NLGN1: variants seen among roughly 807,000 people sequenced by gnomAD.
The protein encoded by NLGN1 is neuroligin-1.
NLGN1 carries 12 observed loss-of-function variants against 65.5 expected under a neutral mutation model. That is an observed-to-expected ratio of 0.18 (90% CI 0.12 to 0.30). The LOEUF (loss-of-function observed/expected upper bound fraction) is 0.30. NLGN1 is among the 10% of genes least tolerant of loss of function. The pLI, the probability that NLGN1 is intolerant of heterozygous loss-of-function variation, is 1.00. For synonymous variants in NLGN1, 350 were observed against 359.5 expected, an observed-to-expected ratio of 0.97 and a Z score of 0.30; for missense variants, 750 against 1,007.1, an observed-to-expected ratio of 0.74 and a Z score of 3.46.
chr3:174,182,951 T>G (rs552967316), intron 4 of NLGN1, among the ~76,000 whole-genome samples: 23 of 152,314 alleles, frequency 1.5e-4, no homozygotes, highest in African/African-American at 5.3e-4. Flanking sequence ...CAAAACCGAC[T>G]TTGCCACTCT....
intron 4 of NLGN1, among the ~76,000 whole-genome samples, chr3:174,220,494 T>C (rs1738436226): frequency 6.6e-6 from 1 of 152,158 alleles, no homozygotes. Context: ...AAGATATTCT[T>C]TGGCTACACA....
intron 4 of NLGN1, among the ~76,000 whole-genome samples, chr3:173,994,016 T>C (rs192350546): frequency 6.6e-6 from 1 of 152,224 alleles, no homozygotes; most frequent in East Asian, 1.9e-4. Flanking sequence ...ATATTCCAGA[T>C]CAATCAATAT....
intron 4 of NLGN1, among the ~76,000 whole-genome samples, chr3:173,989,184 A>G (rs2152408310): frequency 6.6e-6 from 1 of 152,308 alleles, no homozygotes; most frequent in Non-Finnish European, 1.5e-5. Flanking sequence ...AGTCACATCA[A>G]CTGATAAAAC....
intron 3 of NLGN1, among the ~76,000 whole-genome samples, chr3:173,710,057 T>C (rs1560213479): frequency 6.6e-6 from 1 of 152,132 alleles, no homozygotes; most frequent in African/African-American, 2.4e-5. Flanking sequence ...TATGACAAAA[T>C]GGTGATGGAC....
At chr3:173,813,167 A>G (rs1040124504) in intron 4 of NLGN1, among the ~76,000 whole-genome samples, 3 of 152,122 alleles carry the variant, frequency 2.0e-5, no homozygotes, top group Non-Finnish European at 4.4e-5. Context: ...AAGCCTGTGC[A>G]TTGATCATGA....
intron 4 of NLGN1, among the ~76,000 whole-genome samples, chr3:173,979,235 A>G (rs1475926064): frequency 6.6e-6 from 1 of 152,048 alleles, no homozygotes; most frequent in African/African-American, 2.4e-5. Context: ...AACAGATTGT[A>G]AAGAGAAATA....
chr3:174,001,243 T>C (rs1020271420), intron 4 of NLGN1, among the ~76,000 whole-genome samples: 1 of 152,078 alleles, frequency 6.6e-6, no homozygotes, highest in African/African-American at 2.4e-5. Context: ...CAGAAAAGTG[T>C]TGGGCTTGCA....
At chr3:173,483,168 G>T (rs1399961867) in intron 2 of NLGN1, among the ~76,000 whole-genome samples, 25 of 151,936 alleles carry the variant, frequency 1.6e-4, no homozygotes, top group Admixed American at 1.5e-3. Flanking sequence ...TTTTGATGTT[G>T]TTTATGTTTT....
At chr3:173,629,438 A>C (rs1391919914) in intron 3 of NLGN1, among the ~76,000 whole-genome samples, 1 of 152,172 alleles carries the variant, frequency 6.6e-6, no homozygotes, top group Non-Finnish European at 1.5e-5. Context: ...AAAATTAAAT[A>C]TTAAGAATAG....
At chr3:174,098,358 T>C (rs559187116) in intron 4 of NLGN1, among the ~76,000 whole-genome samples, 1 of 152,318 alleles carries the variant, frequency 6.6e-6, no homozygotes, top group South Asian at 2.1e-4. Context: ...AAGAGGAAGC[T>C]TGTGCATGAT....
intron 2 of NLGN1, among the ~76,000 whole-genome samples, chr3:173,455,163 G>C (rs1487683337): frequency 1.3e-5 from 2 of 152,114 alleles, no homozygotes; most frequent in African/African-American, 4.8e-5. Context: ...AAATACCTGA[G>C]GTTATATAAT....
chr3:173,889,050 C>T (rs947769829), intron 4 of NLGN1, among the ~76,000 whole-genome samples: 39 of 152,020 alleles, frequency 2.6e-4, no homozygotes, highest in Non-Finnish European at 1.3e-4. Flanking sequence ...TAATTTGAAA[C>T]GAAAATTGAA....
intron 3 of NLGN1, among the ~76,000 whole-genome samples, chr3:173,743,523 G>T (rs1774947814): frequency 6.6e-6 from 1 of 152,114 alleles, no homozygotes; most frequent in Non-Finnish European, 1.5e-5. Context: ...TCACATTTTT[G>T]CCTCTTTCAC....
intron 2 of NLGN1, among the ~76,000 whole-genome samples, chr3:173,476,882 G>A (rs1262584199): frequency 2.0e-5 from 3 of 152,176 alleles, no homozygotes; most frequent in Non-Finnish European, 2.9e-5. Flanking sequence ...GATTGATTAT[G>A]TGTTGGAGAA....
At chr3:174,287,515 A>T (rs1332092276), downstream of NLGN1, among the ~76,000 whole-genome samples, 1 of 151,546 alleles carries the variant, frequency 6.6e-6, no homozygotes, top group Non-Finnish European at 1.5e-5. Flanking sequence ...TTACTTTTTC[A>T]CTAGTTTTGT....
chr3:173,815,299 G>T (rs1441381992), intron 4 of NLGN1, among the ~76,000 whole-genome samples: 1 of 151,816 alleles, frequency 6.6e-6, no homozygotes, highest in Non-Finnish European at 1.5e-5. Context: ...AGTAGAGATG[G>T]GGCTTCACCG....
chr3:173,863,430 C>T (rs1010489706), intron 4 of NLGN1, among the ~76,000 whole-genome samples: 1 of 152,096 alleles, frequency 6.6e-6, no homozygotes, highest in Non-Finnish European at 1.5e-5. Flanking sequence ...TTTCTGAATG[C>T]TAATATGTAG....
intron 3 of NLGN1, among the ~76,000 whole-genome samples, chr3:173,747,057 TATACACACACAC>T (rs1381780387): frequency 6.1e-5 from 5 of 81,752 alleles, no homozygotes; most frequent in African/African-American, 2.3e-4. Context: ...AAAAATTATA[TATACACACACAC>T]ACACACACAC....
At chr3:174,013,027 A>G (rs1037146276) in intron 4 of NLGN1, among the ~76,000 whole-genome samples, 20 of 152,192 alleles carry the variant, frequency 1.3e-4, no homozygotes, top group Admixed American at 9.8e-4. Context: ...CAAAATTGTC[A>G]TCTTCAAACA....
Sources: gnomAD v4.1 joint callset for allele counts (sites outside exome capture counted in the v4.1 genomes callset) on GRCh38, gnomAD v4.1.1 for gene constraint, MANE v1.5 for transcripts, NCBI Gene and HGNC (gene_info 2026-07-23, HGNC 2026-07-21) for gene names.